MTFMT: variants seen among roughly 807,000 people sequenced by gnomAD.
MTFMT encodes methionyl-tRNA formyltransferase, mitochondrial.
Under a neutral mutation model 51.8 loss-of-function variants are expected in MTFMT, and 47 were observed. The observed-to-expected ratio is 0.91, with a 90% CI of 0.72 to 1.16. The LOEUF (loss-of-function observed/expected upper bound fraction) is 1.16. Among genes scored for constraint, MTFMT ranks in the 50% most tolerant of loss-of-function variants. MTFMT has a pLI of 0.00. For missense variants in MTFMT, 512 were observed against 482.3 expected, an observed-to-expected ratio of 1.06 and a Z score of -0.58; for synonymous variants, 196 against 176.7, an observed-to-expected ratio of 1.11 and a Z score of -0.87.
chr15:65,010,572 T>G (rs1175639041), intron 6 of MTFMT, among the ~76,000 whole-genome samples: 1 of 152,252 alleles, frequency 6.6e-6, no homozygotes, highest in Non-Finnish European at 1.5e-5. Context: ...TTCCACCGTA[T>G]GGCTATATAC....
rs748428182 is a variant in MTFMT at position 65,029,516 on chromosome 15, C to T, written c.98G>A (p.Gly33Asp). 2.0e-5 allele frequency: 30 copies of T among 1,529,774 alleles called. No individual in the cohort carries two copies. Among genetic ancestry groups the T allele is most frequent in the Non-Finnish European group, 2.4e-5 (27 of 1,140,338 alleles). The allele number at this position is 1,529,774 out of a possible 1,614,324, so 94.8% of individuals were successfully genotyped here. The change falls in exon 1 of 9, where the codon GGC becomes GAC. Residue 33 changes from glycine to aspartate, a missense_variant. By Grantham distance (94) the Gly-to-Asp change is moderately conservative. Coordinates refer to ENST00000220058, the MANE Select transcript of MTFMT (RefSeq NM_139242.4). ...TCTGGAGTCCCGGCAGTCCTCCCAG[C>T]CGAGTCGGGCCAGTGCTCGCCACTG... ...SPQWRALARL[G>D]WEDCRDSRVR...
intron 8 of MTFMT, among the ~76,000 whole-genome samples, chr15:65,004,217 A>T (rs148070109): frequency 6.6e-6 from 1 of 151,818 alleles, no homozygotes; most frequent in African/African-American, 2.4e-5. Flanking sequence ...GGGTTTCTCT[A>T]TGTTGGTCAG....
chr15:65,007,763 T>G (rs2086231181), intron 6 of MTFMT, among the ~76,000 whole-genome samples: 1 of 152,226 alleles, frequency 6.6e-6, no homozygotes, highest in Non-Finnish European at 1.5e-5. Context: ...TTTATGCCCT[T>G]TGGTTATATT....
At chr15:65,023,608 C>G in intron 3 of MTFMT, 64 bp downstream of exon 3, 1 of 1,560,176 alleles carries the variant, frequency 6.4e-7, no homozygotes, top group South Asian at 1.1e-5. Flanking sequence ...CCACTGCCCC[C>G]CAAACAGGCT....
intron 5 of MTFMT, among the ~76,000 whole-genome samples, chr15:65,018,943 T>A (rs1052337113): frequency 6.6e-6 from 1 of 152,182 alleles, no homozygotes; most frequent in Non-Finnish European, 1.5e-5. Context: ...CACCTCCAAT[T>A]AATGAGGAAA....
At chr15:65,011,580 C>T (rs1408384847) in intron 6 of MTFMT, among the ~76,000 whole-genome samples, 1 of 144,076 alleles carries the variant, frequency 6.9e-6, no homozygotes, top group Non-Finnish European at 1.5e-5. Flanking sequence ...ACTGCAGCCT[C>T]GACCTCCCTG....
At chr15:65,026,451 G>A (rs918187202) in intron 2 of MTFMT, 16 of 256,876 alleles carry the variant, frequency 6.2e-5, no homozygotes. Context: ...CTCTTTTCTT[G>A]TCTATACCTG....
In MTFMT at chr15:65,016,479, G is replaced by A; in HGVS notation, c.770C>T (p.Thr257Ile). The A allele has an allele frequency of 6.2e-7, 1 of 1,612,624 alleles. No homozygotes were observed. The highest frequency in any genetic ancestry group is 1.3e-5 in the African/African-American group (1 of 74,994). The change falls in exon 6 of 9, where the codon ACT becomes ATT. Residue 257 changes from threonine to isoleucine, a missense_variant. Coordinates refer to ENST00000220058, the MANE Select transcript of MTFMT (RefSeq NM_139242.4). Reference sequence around the variant, plus strand: ...GTAAAGTCTGAATATTTGTTCTGAAGTTTGTTCCTCCCATTTTATACAACT... The same window carrying A: ...GTAAAGTCTGAATATTTGTTCTGAAATTTGTTCCTCCCATTTTATACAACT... ...GTSCIKWEEQTSEQIFRLYRA... is the reference protein window; with the variant it reads ...GTSCIKWEEQISEQIFRLYRA...
chr15:65,012,333 A>G (rs1465852437), intron 6 of MTFMT, among the ~76,000 whole-genome samples: 1 of 151,698 alleles, frequency 6.6e-6, no homozygotes, highest in Admixed American at 6.6e-5. Context: ...AAAAAGAACT[A>G]TCTTTTGGGA....
At chr15:65,007,980 T>C (rs1422799108) in intron 6 of MTFMT, among the ~76,000 whole-genome samples, 3 of 152,172 alleles carry the variant, frequency 2.0e-5, no homozygotes, top group Non-Finnish European at 4.4e-5. Context: ...TGGTGGTTCG[T>C]ATCATACTTA....
rs371720121 is a variant in MTFMT, at chr15:65,010,742, A to G, written c.814-4551T>C. Among the ~76,000 whole-genome samples, 7 of 152,350 alleles carry G rather than the reference A, an allele frequency of 4.6e-5. No individual in the cohort carries two copies. In the South Asian group the frequency reaches 6.2e-4, roughly 14 times the overall value. On this transcript the variant is annotated intron_variant, in intron 6 of 8. Coordinates refer to ENST00000220058, the MANE Select transcript of MTFMT (RefSeq NM_139242.4). The stretch of plus-strand genomic sequence containing the variant: ...AACCTAGGAAAGGAAATGCTGGGTC[A>G]TAAGATACTTCTGTGTTTCACTTTT...
At chr15:65,010,467 AGTCTGTT>A (rs768658928) in intron 6 of MTFMT, among the ~76,000 whole-genome samples, 2 of 152,230 alleles carry the variant, frequency 1.3e-5, no homozygotes, top group Non-Finnish European at 2.9e-5. Flanking sequence ...TAACATATGT[AGTCTGTT>A]GTGACAGGGT....
At chr15:65,011,647 C>T (rs897550913) in intron 6 of MTFMT, among the ~76,000 whole-genome samples, 1 of 151,754 alleles carries the variant, frequency 6.6e-6, no homozygotes, top group Non-Finnish European at 1.5e-5. Context: ...CAGGTGTGCA[C>T]CATGATGCCC....
chr15:65,024,266 A>C (rs1484812044), intron 2 of MTFMT, among the ~76,000 whole-genome samples: 1 of 152,196 alleles, frequency 6.6e-6, no homozygotes, highest in East Asian at 1.9e-4. Flanking sequence ...GCAGAGGTGC[A>C]GTGAACCGAG....
chr15:65,007,752 A>G (rs1269754279), intron 6 of MTFMT, among the ~76,000 whole-genome samples: 1 of 152,200 alleles, frequency 6.6e-6, no homozygotes, highest in Non-Finnish European at 1.5e-5. Context: ...TAACCTGCCT[A>G]TTTATGCCCT....
chr15:65,019,758 C>G (rs369510712), intron 5 of MTFMT, among the ~76,000 whole-genome samples: 1 of 152,068 alleles, frequency 6.6e-6, no homozygotes, highest in Non-Finnish European at 1.5e-5. Flanking sequence ...TAAATATGAA[C>G]TGAACATTGG....
In MTFMT at chr15:65,023,696, G is replaced by A. The variant is rs770338048; in HGVS notation, c.518C>T (p.Thr173Ile). 1.9e-6 allele frequency: 3 copies of A among 1,613,554 alleles called. No homozygotes were observed. Among genetic ancestry groups the A allele is most frequent in the Non-Finnish European group, 2.5e-6 (3 of 1,179,660 alleles). Residue 173 changes from threonine (T) to isoleucine (I), a missense_variant, in exon 3 of 9, where the codon ACA (threonine) becomes ATA (isoleucine). By Grantham distance (89) the Thr-to-Ile change is moderately conservative (BLOSUM62 -1). Coordinates refer to ENST00000220058, the MANE Select transcript of MTFMT (RefSeq NM_139242.4). Reference protein sequence around the residue: ...VLHGDTVTGVTIMQIRPKRFD... With the variant: ...VLHGDTVTGVIIMQIRPKRFD... ...CCTTTTAGGTCTAATTTGCATAATT[G>A]TTACTCCAGTAACTGTGTCTCCGTG...
At chr15:65,021,680 C>T in intron 3 of MTFMT, 64 bp from the exon 4 acceptor site, 1 of 1,305,450 alleles carries the variant, frequency 7.7e-7, no homozygotes, top group African/African-American at 1.5e-5. Flanking sequence ...TGTTTGTCTA[C>T]ACACAAAAAG....
At chr15:65,020,145 C>T (rs1198063846) in intron 5 of MTFMT, 52 bp downstream of exon 5, 14 of 1,515,938 alleles carry the variant, frequency 9.2e-6, no homozygotes, top group South Asian at 7.3e-5. Context: ...CAGATGCTAT[C>T]GTGACAAGCA....
Sources: gnomAD v4.1 joint callset for allele counts (sites outside exome capture counted in the v4.1 genomes callset) on GRCh38, gnomAD v4.1.1 for gene constraint, MANE v1.5 for transcripts, NCBI Gene and HGNC (gene_info 2026-07-23, HGNC 2026-07-21) for gene names.